Variants in KMT2A observed in about 807,000 individuals in gnomAD.
KMT2A encodes lysine methyltransferase 2A.
KMT2A carries 16 observed loss-of-function variants against 345.3 expected under a neutral mutation model. The ratio of observed to expected loss-of-function variants is 0.05; its 90% CI spans 0.03 to 0.07. The LOEUF (loss-of-function observed/expected upper bound fraction) is 0.07. Among genes scored for constraint, KMT2A ranks in the 10% least tolerant of loss-of-function variants. The probability of loss-of-function intolerance (pLI) is 1.00; values close to 1 mark genes in which losing one functional copy is unlikely to be tolerated. For synonymous variants in KMT2A, 1,599 were observed against 1,778.6 expected (o/e 0.90, Z 2.54); for missense variants, 3,272 against 4,841.6 (o/e 0.68, Z 9.62).
At chr11:118,519,858 C>T in intron 32 of KMT2A, 66 bp downstream of exon 32, 11 of 1,566,830 alleles carry the variant, frequency 7.0e-6, no homozygotes, top group Non-Finnish European at 8.8e-7. Flanking sequence ...ACACTGTCAT[C>T]TTCCCACATA....
chr11:118,472,502 A>G lies in KMT2A; in HGVS notation c.1343A>G (p.Asn448Ser), dbSNP rs782576050. Reference sequence around the variant, plus strand: ...ATTGCCCGATTAGAGTCTACACCGAATAGTAGATTCAGTGCCCCGTCCTGT... The same window carrying G: ...ATTGCCCGATTAGAGTCTACACCGAGTAGTAGATTCAGTGCCCCGTCCTGT... Reference protein sequence around the residue: ...IKIARLESTPNSRFSAPSCGS... With the variant: ...IKIARLESTPSSRFSAPSCGS... Residue 448 changes from asparagine to serine, a missense_variant, in exon 3 of 36, where the codon AAT becomes AGT. Transcript: ENST00000534358. The G allele has an allele frequency of 1.2e-6, 2 of 1,613,556 alleles. No homozygotes were observed. Among genetic ancestry groups the G allele is most frequent in the African/African-American group, 1.3e-5 (1 of 74,802 alleles).
rs782301365 is a variant in KMT2A at position 118,473,444 on chromosome 11, T to C, written c.2285T>C (p.Leu762Pro). Residue 762 changes from leucine to proline, a missense_variant, in exon 3 of 36, where the codon CTT (leucine) becomes CCT (proline). Coordinates refer to ENST00000534358, the MANE Select transcript of KMT2A (RefSeq NM_001197104.2). This position sits in a 1 kb window ranked among gnomAD's most constrained non-coding sequence, Gnocchi z 5.2. ...SHSMRTRSGR[L>P]SSSELSPLTP... ...TCCATGAGGACAAGAAGTGGAAGGCTTAGTAGTTCTGAGCTCTCACCTCTC... is the reference window on the plus strand; with the variant it reads ...TCCATGAGGACAAGAAGTGGAAGGCCTAGTAGTTCTGAGCTCTCACCTCTC... The C allele has an allele frequency of 6.2e-7, 1 of 1,614,178 alleles. No homozygotes were observed. The highest frequency in any genetic ancestry group is 2.2e-5 in the East Asian group (1 of 44,886).
chr11:118,502,189 G>C lies in KMT2A; in HGVS notation c.6506-209G>C, dbSNP rs1950510995. On this transcript the variant is annotated intron_variant, in intron 26 of 35. Coordinates refer to ENST00000534358, the MANE Select transcript of KMT2A (RefSeq NM_001197104.2). The surrounding 1 kb of genome is among the most constrained non-coding windows in gnomAD (Gnocchi z 4.9). The stretch of plus-strand genomic sequence containing the variant: ...AATCGCTGGAACCCAGGAGGTGGAG[G>C]TTGCAGTAAGCCGAGATCGCACCAC... Among the ~76,000 whole-genome samples, 1 of 152,198 alleles carries C rather than the reference G, an allele frequency of 6.6e-6. No individual in the cohort carries two copies. Among genetic ancestry groups the C allele is most frequent in the Non-Finnish European group, 1.5e-5 (1 of 68,010 alleles).
chr11:118,459,453 T>TAA (rs1555031894), intron 1 of KMT2A, among the ~76,000 whole-genome samples: 1 of 152,100 alleles, frequency 6.6e-6, no homozygotes, highest in African/African-American at 2.4e-5. Flanking sequence ...GCCTACCACT[T>TAA]AATTAAGTGC....
At chr11:118,451,846 C>CA (rs1555029065) in intron 1 of KMT2A, among the ~76,000 whole-genome samples, 6 of 152,072 alleles carry the variant, frequency 3.9e-5, no homozygotes, top group African/African-American at 1.4e-4. Flanking sequence ...TAAGTATTCA[C>CA]ATTTTTAATA....
At chr11:118,478,853 C>G (rs1363437193) in intron 5 of KMT2A, among the ~76,000 whole-genome samples, 7 of 152,074 alleles carry the variant, frequency 4.6e-5, no homozygotes, top group African/African-American at 1.7e-4. Flanking sequence ...AACTCCTAGG[C>G]TCCAGTGATC....
At chr11:118,485,844 A>G (rs1555040733) in intron 10 of KMT2A, among the ~76,000 whole-genome samples, 1 of 152,220 alleles carries the variant, frequency 6.6e-6, no homozygotes, top group African/African-American at 2.4e-5. Context: ...GCACTTTGGG[A>G]GGCCAAGGCA....
chr11:118,459,080 C>T (rs1591361327), intron 1 of KMT2A, among the ~76,000 whole-genome samples: 1 of 151,554 alleles, frequency 6.6e-6, no homozygotes, highest in East Asian at 1.9e-4. Context: ...TCTTTTTTTT[C>T]CCCCCTTTGA....
chr11:118,448,111 A>G (rs1443416019), intron 1 of KMT2A: 1 of 152,880 alleles, frequency 6.5e-6, no homozygotes, highest in East Asian at 1.9e-4. Context: ...TTAGGAAGTA[A>G]TGGTTTTTGT....
Position 118,494,338 on chromosome 11 carries a change from A to G in KMT2A, c.5229A>G (p.Ser1743=). The G allele has an allele frequency of 6.2e-7, 1 of 1,611,274 alleles. No homozygotes were observed. The highest frequency in any genetic ancestry group is 8.5e-7 in the Non-Finnish European group (1 of 1,177,406). Residue 1743 remains serine (S), a synonymous_variant, in exon 17 of 36, where the codon TCA becomes TCG. Coordinates refer to ENST00000534358, the MANE Select transcript of KMT2A (RefSeq NM_001197104.2). The surrounding 1 kb of genome is among the most constrained non-coding windows in gnomAD (Gnocchi z 5.8). ...AGATCATTCAAGCAGCCATTAATTCAGATGGAGGACAGCCAGAAATTAAAA... is the reference window on the plus strand; with the variant it reads ...AGATCATTCAAGCAGCCATTAATTCGGATGGAGGACAGCCAGAAATTAAAA... ...IVKIIQAAIN[S]DGGQPEIKKA...
intron 31 of KMT2A, among the ~76,000 whole-genome samples, chr11:118,517,402 A>AG (rs1267233636): frequency 6.6e-6 from 1 of 151,350 alleles, no homozygotes; most frequent in Non-Finnish European, 1.5e-5. Context: ...TCTCAAAAAA[A>AG]AAAAAAAAAA....
intron 31 of KMT2A, 86 bp from the exon 32 acceptor site, chr11:118,519,532 T>G: frequency 1.6e-6 from 2 of 1,222,052 alleles, no homozygotes; most frequent in Non-Finnish European, 2.4e-6. Flanking sequence ...TCTGGCAGAG[T>G]GACTATAGCA....
At chr11:118,443,531 G>T (rs564267796) in intron 1 of KMT2A, among the ~76,000 whole-genome samples, 23 of 152,214 alleles carry the variant, frequency 1.5e-4, no homozygotes, top group Non-Finnish European at 2.8e-4. Flanking sequence ...TGTTGTGGAT[G>T]ATATAAATCC....
At position 118,497,863 on chromosome 11, in the gene KMT2A, A is replaced by T. The variant is rs571779280; in HGVS notation, c.5665-73A>T. ...GCTTTCTTGAGGTTATCTTCACTGG[A>T]AAAGCTAATGCCGAGGAAAACCTCC... is the stretch of plus-strand genomic sequence containing the variant. On this transcript the variant is annotated intron_variant, in intron 20 of 35. Transcript: ENST00000534358. The surrounding 1 kb of genome is among the most constrained non-coding windows in gnomAD (Gnocchi z 4.8). The T allele has an allele frequency of 9.2e-6, 11 of 1,190,612 alleles. No homozygotes were observed. The Admixed American group carries it at 1.9e-4, about 21-fold the overall frequency. The allele number at this position is 1,190,612 out of a possible 1,614,324, so 73.8% of individuals were successfully genotyped here. A position where few individuals can be genotyped will look rare whatever the true frequency, so the allele number is the denominator to read the frequency against.
At position 118,484,527 on chromosome 11, in the gene KMT2A, C is replaced by G. The variant is rs1257380707; in HGVS notation, c.4218+213C>G. ...TGACTGCAGAACATACATAATGAAA[C>G]ATTCCTATCCATCCTGAGCAGTATC... On this transcript the variant is annotated intron_variant, in intron 9 of 35. Coordinates refer to ENST00000534358, the MANE Select transcript of KMT2A (RefSeq NM_001197104.2). The surrounding 1 kb of genome is among the most constrained non-coding windows in gnomAD (Gnocchi z 4.1). Among the ~76,000 whole-genome samples the G allele has an allele frequency of 2.6e-5, 4 of 152,296 alleles. No individual in the cohort carries two copies. In the East Asian group the frequency reaches 7.7e-4, roughly 29 times the overall value.
At chr11:118,467,632 C>G (rs1949870197) in intron 1 of KMT2A, among the ~76,000 whole-genome samples, 1 of 152,166 alleles carries the variant, frequency 6.6e-6, no homozygotes, top group Non-Finnish European at 1.5e-5. Flanking sequence ...TTAATATAGT[C>G]ATGGCTGAAA....
At chr11:118,518,216 T>G (rs1225816206) in intron 31 of KMT2A, among the ~76,000 whole-genome samples, 1 of 152,240 alleles carries the variant, frequency 6.6e-6, no homozygotes, top group Non-Finnish European at 1.5e-5. Context: ...ATTAGCTATT[T>G]GCTAGTGTCA....
intron 1 of KMT2A, among the ~76,000 whole-genome samples, chr11:118,443,823 A>G (rs1949362212): frequency 6.6e-6 from 1 of 152,228 alleles, no homozygotes; most frequent in Admixed American, 6.5e-5. Context: ...GCATCGGTCC[A>G]GTAGCATTTA....
intron 1 of KMT2A, among the ~76,000 whole-genome samples, chr11:118,464,677 A>G (rs1271335998): frequency 6.6e-6 from 1 of 152,210 alleles, no homozygotes; most frequent in African/African-American, 2.4e-5. Context: ...ATCCTGAAGC[A>G]TGTCTTTGAA....
Sources: gnomAD v4.1 joint callset for allele counts (sites outside exome capture counted in the v4.1 genomes callset) on GRCh38, gnomAD v4.1.1 for gene constraint, Gnocchi (gnomAD v3.1) non-coding constraint, MANE v1.5 for transcripts, NCBI Gene and HGNC (gene_info 2026-07-23, HGNC 2026-07-21) for gene names.